Variants in RAD54B observed in about 807,000 individuals in gnomAD.
The protein encoded by RAD54B is RAD54 homolog B.
In RAD54B, 78 loss-of-function variants were observed where a neutral mutation model predicts 95.8. That is an observed-to-expected ratio of 0.81 (90% CI 0.68 to 0.98). The LOEUF is 0.98. Among genes scored for constraint, RAD54B ranks in the 50% least tolerant of loss-of-function variants. The probability of loss-of-function intolerance (pLI) is 0.00; values close to 1 mark genes in which losing one functional copy is unlikely to be tolerated. For missense variants in RAD54B, 957 were observed against 1,056.6 expected (o/e 0.91, Z 1.31); for synonymous variants, 328 against 354.9 (o/e 0.92, Z 0.85).
At chr8:94,440,262 T>C (rs534702700) in intron 3 of RAD54B, among the ~76,000 whole-genome samples, 2 of 152,254 alleles carry the variant, frequency 1.3e-5, no homozygotes, top group South Asian at 2.1e-4. Context: ...TGATAACCTA[T>C]GTAAATTGTA....
At chr8:94,378,974 T>G (rs1024029974) in intron 12 of RAD54B, among the ~76,000 whole-genome samples, 6 of 152,148 alleles carry the variant, frequency 3.9e-5, no homozygotes, top group African/African-American at 1.4e-4. Context: ...TCAGTCCAAA[T>G]AGCTAAAGAT....
chr8:94,387,077 T>G lies in RAD54B; in HGVS notation c.1892A>C (p.Tyr631Ser), dbSNP rs1810906478. ...KGLLSVFPAD[Y>S]NPLLFTEKES... is the part of the protein sequence containing the mutation. ...CTTTTCAGTAAACAGGAGAGGGTTG[T>G]AGTCAGCAGGAAACACACTTAGCAA... Residue 631 changes from tyrosine to serine, a missense_variant, in exon 11 of 15, where the codon TAC becomes TCC. Physicochemically the swap from Tyr to Ser is moderately radical, Grantham distance 144 (BLOSUM62 -2). Transcript: ENST00000336148. 1 of 1,613,538 alleles carries G rather than the reference T, an allele frequency of 6.2e-7. No homozygotes were observed.
Position 94,463,644 on chromosome 8 carries a change from C to G in RAD54B, c.135+3761G>C, listed in dbSNP as rs566674546. 5.1e-4 allele frequency among the ~76,000 whole-genome samples: 78 copies of G among 151,820 alleles called. 1 individual carries two copies. Among genetic ancestry groups the G allele is most frequent in the African/African-American group, 1.9e-3 (77 of 41,348 alleles). On this transcript the variant is annotated intron_variant, in intron 2 of 14. Transcript: ENST00000336148. ...TCTGTAATTCCAACACTTTGGGAGG[C>G]TGAGGAGAGGACTGCTTGAGCTCAG... is the stretch of plus-strand genomic sequence containing the variant.
At chr8:94,454,292 T>C (rs1812733459) in intron 3 of RAD54B, among the ~76,000 whole-genome samples, 1 of 152,138 alleles carries the variant, frequency 6.6e-6, no homozygotes. Flanking sequence ...AGAGAGTGAC[T>C]ATTTAATTGA....
chr8:94,381,415 C>T (rs1278074710), intron 11 of RAD54B, among the ~76,000 whole-genome samples: 1 of 152,198 alleles, frequency 6.6e-6, no homozygotes, highest in East Asian at 1.9e-4. Context: ...TACTGCTTCA[C>T]TCTTAACTGT....
chr8:94,385,848 A>G (rs1380113449), intron 11 of RAD54B, among the ~76,000 whole-genome samples: 1 of 152,232 alleles, frequency 6.6e-6, no homozygotes, highest in Non-Finnish European at 1.5e-5. Context: ...AAGTGGGGCA[A>G]ATTACAGGCT....
At chr8:94,461,340 T>C (rs998310257) in intron 2 of RAD54B, among the ~76,000 whole-genome samples, 1 of 150,796 alleles carries the variant, frequency 6.6e-6, no homozygotes, top group Non-Finnish European at 1.5e-5. Flanking sequence ...ACCCGGCTAA[T>C]TTTGTATTTT....
At chr8:94,404,428 C>T (rs537201470) in intron 5 of RAD54B, among the ~76,000 whole-genome samples, 189 bp from the exon 6 acceptor site, 1 of 152,252 alleles carries the variant, frequency 6.6e-6, no homozygotes, top group South Asian at 2.1e-4. Flanking sequence ...TACTGATGAA[C>T]GATTTCATGC....
intron 12 of RAD54B, 90 bp from the exon 13 acceptor site, chr8:94,378,724 C>T (rs1324304811): frequency 4.5e-6 from 4 of 881,790 alleles, no homozygotes; most frequent in East Asian, 2.5e-5. Context: ...TTTTAAAATT[C>T]GGAATTCTAT....
chr8:94,382,031 G>A (rs1188478702), intron 11 of RAD54B, among the ~76,000 whole-genome samples: 2 of 151,104 alleles, frequency 1.3e-5, no homozygotes, highest in Non-Finnish European at 2.9e-5. Context: ...GGAGAATGGC[G>A]TGAACCTGGG....
intron 1 of RAD54B, among the ~76,000 whole-genome samples, chr8:94,470,305 A>G (rs755767843): frequency 6.6e-6 from 1 of 152,116 alleles, no homozygotes; most frequent in African/African-American, 2.4e-5. Flanking sequence ...TACTAAAAAT[A>G]TAAGAATTTG....
chr8:94,455,064 C>A (rs1018655823), intron 3 of RAD54B, among the ~76,000 whole-genome samples: 1 of 152,184 alleles, frequency 6.6e-6, no homozygotes, highest in Non-Finnish European at 1.5e-5. Context: ...CCTCGAGATA[C>A]TACTTCCTTC....
Position 94,378,331 on chromosome 8 carries a change from A to C in RAD54B, c.2364T>G (p.Leu788=), listed in dbSNP as rs1410342347. The C allele has an allele frequency of 1.2e-6, 2 of 1,614,010 alleles. No homozygotes were observed. Among genetic ancestry groups the C allele is most frequent in the South Asian group, 2.2e-5 (2 of 91,040 alleles). The change falls in exon 14 of 15, where the codon CTT becomes CTG. Residue 788 remains leucine (L), a synonymous_variant. Coordinates refer to ENST00000336148, the MANE Select transcript of RAD54B (RefSeq NM_012415.3). Reference sequence around the variant, plus strand: ...TGGTGAGGTCGACAACTGCCCCACAAAGACCTTGCTTACTGATCTGCCTTT... The same window carrying C: ...TGGTGAGGTCGACAACTGCCCCACACAGACCTTGCTTACTGATCTGCCTTT... ...IYQRQISKQG[L]CGAVVDLTKT... is the part of the protein sequence containing the mutation.
At chr8:94,418,517 T>C (rs923675157) in intron 3 of RAD54B, among the ~76,000 whole-genome samples, 3 of 152,136 alleles carry the variant, frequency 2.0e-5, no homozygotes, top group Non-Finnish European at 2.9e-5. Context: ...CTCTACAAAT[T>C]TGAACACATA....
In RAD54B at chr8:94,430,931, T is replaced by TTA. The variant is rs1169627913; in HGVS notation, c.305-19618_305-19617dup. The TTA allele has an allele frequency of 4.1e-6, 4 of 985,262 alleles. No homozygotes were observed. The East Asian group carries it at 4.5e-4, about 112-fold the overall frequency. The allele number at this position is 985,262 out of a possible 1,614,324, so 61.0% of individuals were successfully genotyped here. A position where few individuals can be genotyped will look rare whatever the true frequency, so the allele number is the denominator to read the frequency against. On this transcript the variant is annotated intron_variant, in intron 3 of 14. Coordinates refer to ENST00000336148, the MANE Select transcript of RAD54B (RefSeq NM_012415.3). The stretch of plus-strand genomic sequence containing the variant: ...CAATGGCTTAGCACTGCATTTGTGC[T>TTA]TATATACTCAATCCACTTTTTCCCA...
At chr8:94,435,138 A>G (rs1355884974) in intron 3 of RAD54B, among the ~76,000 whole-genome samples, 2 of 152,036 alleles carry the variant, frequency 1.3e-5, no homozygotes, top group Non-Finnish European at 2.9e-5. Flanking sequence ...AAAATTCTGC[A>G]TAAGTAGCAC....
chr8:94,417,483 A>T (rs1414147479), intron 3 of RAD54B, among the ~76,000 whole-genome samples: 1 of 139,162 alleles, frequency 7.2e-6, no homozygotes, highest in South Asian at 2.5e-4. Flanking sequence ...CTAAAATTAA[A>T]AAAAAAAAAA....
chr8:94,418,174 G>A (rs567656976), intron 3 of RAD54B, among the ~76,000 whole-genome samples: 2 of 151,958 alleles, frequency 1.3e-5, no homozygotes, highest in Non-Finnish European at 2.9e-5. Flanking sequence ...TGTTATTGTG[G>A]ATATATTTCT....
At chr8:94,461,008 GCCA>G (rs894945231) in intron 2 of RAD54B, among the ~76,000 whole-genome samples, 85 of 151,928 alleles carry the variant, frequency 5.6e-4, no homozygotes, top group African/African-American at 2.0e-3. Context: ...AGTCTCTTTT[GCCA>G]TGTAAAGTAA....
Sources: allele counts gnomAD v4.1 joint callset (sites outside exome capture counted in the v4.1 genomes callset), GRCh38; gene constraint gnomAD v4.1.1; transcripts MANE v1.5; gene names NCBI Gene and HGNC (gene_info 2026-07-23, HGNC 2026-07-21).